The following ATP10B variants were observed in gnomAD, a reference collection of about 807,000 sequenced individuals.
ATP10B encodes phospholipid-transporting ATPase VB.
Under a neutral mutation model 141.2 loss-of-function variants are expected in ATP10B, and 122 were observed. The ratio of observed to expected loss-of-function variants is 0.86; its 90% CI spans 0.75 to 1.00. The LOEUF (loss-of-function observed/expected upper bound fraction) is 1.00, where lower values mean the gene tolerates loss of function less well. ATP10B is among the 50% of genes least tolerant of loss of function. The pLI is 0.00. For missense variants in ATP10B, 1,876 were observed against 1,825.3 expected, an observed-to-expected ratio of 1.03 and a Z score of -0.51; for synonymous variants, 685 against 692.0, an observed-to-expected ratio of 0.99 and a Z score of 0.16.
the ATP10B span, among the ~76,000 whole-genome samples, chr5:160,887,377 CTCT>C: frequency 1.3e-5 from 2 of 152,026 alleles, no homozygotes; most frequent in African/African-American, 4.8e-5. Flanking sequence ...ATGTCTGTAC[CTCT>C]TCAACACAAA....
intron 6 of ATP10B, among the ~76,000 whole-genome samples, chr5:160,682,181 T>C (rs898415218): frequency 2.0e-5 from 3 of 152,244 alleles, no homozygotes; most frequent in Non-Finnish European, 4.4e-5. Flanking sequence ...GCCCAGTAAA[T>C]GTAAAGCAAC....
intron 2 of ATP10B, among the ~76,000 whole-genome samples, chr5:160,780,874 A>G (rs17058267): frequency 0.12 from 18,950 of 152,204 alleles, 1,459 homozygotes; most frequent in Middle Eastern, 0.18. Context: ...CAATGCATAA[A>G]AGTAATAGCA....
At chr5:160,866,054 C>T in the ATP10B span, among the ~76,000 whole-genome samples, 1 of 152,114 alleles carries the variant, frequency 6.6e-6, no homozygotes, top group East Asian at 1.9e-4. Flanking sequence ...CCAACAATAG[C>T]ACTACTGGGT....
At chr5:160,923,771 C>T in the ATP10B span, among the ~76,000 whole-genome samples, 2 of 152,190 alleles carry the variant, frequency 1.3e-5, no homozygotes, top group African/African-American at 2.4e-5. Flanking sequence ...AGCTAGTCCT[C>T]AAGCCAAGAA....
At chr5:160,670,948 T>A (rs191830127) in intron 6 of ATP10B, among the ~76,000 whole-genome samples, 2 of 151,928 alleles carry the variant, frequency 1.3e-5, no homozygotes, top group South Asian at 2.1e-4. Flanking sequence ...GGGTGGATCA[T>A]GAGGTCAGGA....
the ATP10B span, among the ~76,000 whole-genome samples, chr5:160,872,455 A>G: frequency 6.6e-6 from 1 of 152,074 alleles, no homozygotes; most frequent in Non-Finnish European, 1.5e-5. Context: ...CCTTGCCTAA[A>G]CCAATGTCTA....
At chr5:160,929,008 C>T in the ATP10B span, among the ~76,000 whole-genome samples, 24 of 152,182 alleles carry the variant, frequency 1.6e-4, no homozygotes, top group Admixed American at 1.0e-3. Flanking sequence ...AAAGAGCTTC[C>T]CAAATAGATA....
intron 3 of ATP10B, chr5:160,691,615 C>G (rs1292395793): frequency 6.6e-6 from 1 of 152,086 alleles, no homozygotes; most frequent in Admixed American, 6.5e-5. Context: ...CAATTAATTA[C>G]CCAGCTTGTC....
At position 160,569,570 on chromosome 5, in the gene ATP10B, C is replaced by T; in HGVS notation, c.3864G>A (p.Val1288=). The T allele has an allele frequency of 6.2e-7, 1 of 1,613,932 alleles. No individual in the cohort carries two copies. Among genetic ancestry groups the T allele is most frequent in the Non-Finnish European group, 8.5e-7 (1 of 1,179,902 alleles). The change falls in exon 25 of 26, where the codon GTG becomes GTA. Residue 1288 remains valine, a synonymous_variant. Coordinates refer to ENST00000327245, the MANE Select transcript of ATP10B (RefSeq NM_025153.3). ...TGGGGTTTGAGAGCTGGCCTTCCAT[C>T]ACCCAATAGGGATTGGTGGGGCTGT... is the stretch of plus-strand genomic sequence containing the variant. ...ICNSPTNPYW[V]MEGQLSNPTF... is the part of the protein sequence containing the mutation.
the ATP10B span, among the ~76,000 whole-genome samples, chr5:160,857,656 T>A: frequency 9.3e-4 from 142 of 152,008 alleles, no homozygotes; most frequent in South Asian, 0.019. Context: ...TGATATAAAT[T>A]TCTCTCTTGG....
intron 11 of ATP10B, among the ~76,000 whole-genome samples, chr5:160,635,441 T>C (rs1759294471): frequency 6.6e-6 from 1 of 152,116 alleles, no homozygotes; most frequent in East Asian, 1.9e-4. Context: ...GGATTCCACT[T>C]TGAGTGGATA....
At chr5:160,876,881 T>G in the ATP10B span, among the ~76,000 whole-genome samples, 3 of 145,104 alleles carry the variant, frequency 2.1e-5, no homozygotes, top group East Asian at 4.3e-4. Context: ...GCTGAAATTG[T>G]GGCAATAATC....
chr5:160,661,928 C>T lies in ATP10B; in HGVS notation c.675+8535G>A, dbSNP rs565090554. On this transcript the variant is annotated intron_variant, in intron 7 of 25. Transcript: ENST00000327245. ...CGTCTCAGCTCAAAATCTCCTTAAGCTGACAGGCAACTTCAGCAAAGTCTC... is the reference window on the plus strand; with the variant it reads ...CGTCTCAGCTCAAAATCTCCTTAAGTTGACAGGCAACTTCAGCAAAGTCTC... Among the ~76,000 whole-genome samples the T allele has an allele frequency of 1.1e-4, 16 of 152,320 alleles. No homozygotes were observed. The South Asian group carries it at 3.3e-3, about 32-fold the overall frequency.
intron 1 of ATP10B, among the ~76,000 whole-genome samples, chr5:160,828,513 T>A (rs990419507): frequency 7.9e-5 from 12 of 152,064 alleles, no homozygotes; most frequent in Non-Finnish European, 1.8e-4. Context: ...TGAGATACCA[T>A]CTCACACCAG....
chr5:160,578,107 T>G (rs1755309744), intron 24 of ATP10B, among the ~76,000 whole-genome samples: 1 of 152,184 alleles, frequency 6.6e-6, no homozygotes, highest in South Asian at 2.1e-4. Flanking sequence ...CAACTATGAG[T>G]ACTGATATAT....
Position 160,716,460 on chromosome 5 carries a change from C to T in ATP10B, c.-205+449G>A, listed in dbSNP as rs370805779. 1.3e-3 allele frequency among the ~76,000 whole-genome samples: 199 copies of T among 152,188 alleles called. 1 individual carries two copies. Among genetic ancestry groups the T allele is most frequent in the African/African-American group, 3.7e-3 (154 of 41,530 alleles). On this transcript the variant is annotated intron_variant, in intron 3 of 25. Transcript: ENST00000327245. ...AAGTATTTAAAGGTCTCATAGCTGTCGGTGGCAGAGTTGGGCTGTGAACCA... is the reference window on the plus strand; with the variant it reads ...AAGTATTTAAAGGTCTCATAGCTGTTGGTGGCAGAGTTGGGCTGTGAACCA...
intron 24 of ATP10B, among the ~76,000 whole-genome samples, chr5:160,571,131 G>A (rs1255426034): frequency 1.3e-5 from 2 of 152,214 alleles, no homozygotes; most frequent in Middle Eastern, 3.4e-3. Context: ...TCTCATCACA[G>A]TCTTTTCAAA....
At chr5:160,912,413 C>A in the ATP10B span, among the ~76,000 whole-genome samples, 1 of 67,300 alleles carries the variant, frequency 1.5e-5, no homozygotes. Flanking sequence ...CCTGTTTCTA[C>A]CAAAAAAAAA....
chr5:160,646,273 T>C (rs1213022546), intron 8 of ATP10B, among the ~76,000 whole-genome samples: 1 of 152,212 alleles, frequency 6.6e-6, no homozygotes, highest in Non-Finnish European at 1.5e-5. Flanking sequence ...TCACTTCTGC[T>C]GAATATGTCA....
Sources: allele counts gnomAD v4.1 joint callset (sites outside exome capture counted in the v4.1 genomes callset), GRCh38; gene constraint gnomAD v4.1.1; transcripts MANE v1.5; gene names NCBI Gene and HGNC (gene_info 2026-07-23, HGNC 2026-07-21).